Variants in EPB41L3 observed in about 807,000 individuals in gnomAD.
EPB41L3 encodes band 4.1-like protein 3.
Under a neutral mutation model 127.1 loss-of-function variants are expected in EPB41L3, and 57 were observed. The observed-to-expected ratio is 0.45, with a 90% CI of 0.36 to 0.56. The LOEUF (loss-of-function observed/expected upper bound fraction) is 0.56, where lower values mean the gene tolerates loss of function less well. Among genes scored for constraint, EPB41L3 ranks in the 20% least tolerant of loss-of-function variants. The pLI is 0.00. For synonymous variants in EPB41L3, 572 were observed against 549.5 expected, an observed-to-expected ratio of 1.04 and a Z score of -0.57; for missense variants, 1,273 against 1,372.2, an observed-to-expected ratio of 0.93 and a Z score of 1.14.
intron 3 of EPB41L3, among the ~76,000 whole-genome samples, chr18:5,459,531 T>C (rs894315834): frequency 5.9e-5 from 9 of 152,170 alleles, no homozygotes; most frequent in Non-Finnish European, 1.2e-4. Flanking sequence ...TTTAGATCTT[T>C]TTGAGGATAA....
At chr18:5,625,818 T>G (rs1047747828) in intron 1 of EPB41L3, among the ~76,000 whole-genome samples, 2 of 152,214 alleles carry the variant, frequency 1.3e-5, no homozygotes, top group African/African-American at 4.8e-5. Context: ...AGAGATCTTA[T>G]ACAATGAGCT....
chr18:5,462,550 A>G (rs1457020726), intron 3 of EPB41L3, among the ~76,000 whole-genome samples: 3 of 152,218 alleles, frequency 2.0e-5, no homozygotes, highest in East Asian at 3.9e-4. Context: ...CACTACTGCA[A>G]TTTCCCCAAA....
At chr18:5,485,943 A>G (rs1274170894) in intron 2 of EPB41L3, among the ~76,000 whole-genome samples, 3 of 149,958 alleles carry the variant, frequency 2.0e-5, no homozygotes, top group Non-Finnish European at 2.9e-5. Context: ...ATGTAAATTG[A>G]ATGTAACAAA....
At chr18:5,573,666 T>C (rs2094306822) in intron 3 of EPB41L3, among the ~76,000 whole-genome samples, 2 of 152,174 alleles carry the variant, frequency 1.3e-5, no homozygotes, top group South Asian at 2.1e-4. Context: ...GCAGACACCA[T>C]TTCCTATGTT....
At chr18:5,526,917 C>G (rs2093241239) in intron 1 of EPB41L3, among the ~76,000 whole-genome samples, 1 of 151,760 alleles carries the variant, frequency 6.6e-6, no homozygotes, top group Non-Finnish European at 1.5e-5. Context: ...AAACCAACTG[C>G]ACTTTGATTT....
intron 1 of EPB41L3, among the ~76,000 whole-genome samples, chr18:5,493,393 C>T (rs2090819289): frequency 6.6e-6 from 1 of 152,264 alleles, no homozygotes; most frequent in East Asian, 1.9e-4. Context: ...AACTTTTTAA[C>T]ATCAACCTTT....
chr18:5,624,455 T>C (rs1296209717), intron 1 of EPB41L3, among the ~76,000 whole-genome samples: 2 of 152,226 alleles, frequency 1.3e-5, no homozygotes, highest in African/African-American at 4.8e-5. Context: ...ATCACTATAA[T>C]GAAGAATGCC....
intron 3 of EPB41L3, among the ~76,000 whole-genome samples, chr18:5,602,721 C>T (rs1340834969): frequency 1.3e-5 from 2 of 152,200 alleles, no homozygotes; most frequent in East Asian, 3.9e-4. Context: ...GCTGGGATTA[C>T]AGGCATGAAC....
intron 3 of EPB41L3, among the ~76,000 whole-genome samples, chr18:5,581,317 T>C (rs1261779057): frequency 6.6e-6 from 1 of 152,210 alleles, no homozygotes; most frequent in East Asian, 1.9e-4. Context: ...CATTTTACTT[T>C]TGGGAGTTTA....
At chr18:5,435,365 G>A (rs1386630059) in intron 6 of EPB41L3, among the ~76,000 whole-genome samples, 7 of 152,170 alleles carry the variant, frequency 4.6e-5, no homozygotes, top group African/African-American at 1.7e-4. Context: ...CTCATTCAGA[G>A]CAACTTCCCG....
chr18:5,560,940 ATTATTTATTTATTTATTTATTTATTTAT>A (rs138212314), intron 3 of EPB41L3, among the ~76,000 whole-genome samples: 25 of 129,228 alleles, frequency 1.9e-4, no homozygotes, highest in African/African-American at 4.0e-4. Flanking sequence ...CATAGTTGTA[ATTATTTATTTATTTATTTATTTATTTAT>A]TTATTTATTT....
intron 3 of EPB41L3, among the ~76,000 whole-genome samples, chr18:5,604,943 T>A (rs988428838): frequency 3.9e-5 from 6 of 152,298 alleles, no homozygotes; most frequent in African/African-American, 1.2e-4. Flanking sequence ...GGATTTATAA[T>A]CCTCTAGCTG....
intron 2 of EPB41L3, among the ~76,000 whole-genome samples, chr18:5,485,026 A>G (rs541846940): frequency 6.6e-6 from 1 of 152,154 alleles, no homozygotes; most frequent in Admixed American, 6.5e-5. Context: ...GCAGACAAAG[A>G]TACAACACAA....
intron 1 of EPB41L3, among the ~76,000 whole-genome samples, chr18:5,490,271 A>G (rs2090428698): frequency 6.6e-6 from 1 of 152,202 alleles, no homozygotes; most frequent in Non-Finnish European, 1.5e-5. Flanking sequence ...TTGTCATACA[A>G]TTTCCCTTCC....
At chr18:5,486,629 A>G (rs915747069) in intron 2 of EPB41L3, among the ~76,000 whole-genome samples, 5 of 152,188 alleles carry the variant, frequency 3.3e-5, no homozygotes, top group African/African-American at 1.2e-4. Flanking sequence ...CAAACAACTC[A>G]ATAGCAAGAG....
chr18:5,438,198 T>A, intron 5 of EPB41L3, 88 bp from the exon 6 acceptor site: 1 of 1,212,240 alleles, frequency 8.2e-7, no homozygotes, highest in Non-Finnish European at 1.2e-6. Flanking sequence ...CTCCAAGCAT[T>A]AACACCCAGG....
chr18:5,541,510 A>G (rs1054444130), intron 1 of EPB41L3, among the ~76,000 whole-genome samples: 1 of 152,192 alleles, frequency 6.6e-6, no homozygotes, highest in African/African-American at 2.4e-5. Flanking sequence ...GAAAAGATTC[A>G]CAAGATAACA....
intron 1 of EPB41L3, among the ~76,000 whole-genome samples, chr18:5,625,441 C>A (rs377745164): frequency 6.6e-6 from 1 of 152,054 alleles, no homozygotes; most frequent in African/African-American, 2.4e-5. Flanking sequence ...AAAATGAAGA[C>A]CAGGTCTCCC....
intron 3 of EPB41L3, among the ~76,000 whole-genome samples, chr18:5,455,516 T>C (rs753658032): frequency 6.6e-6 from 1 of 152,076 alleles, no homozygotes; most frequent in Non-Finnish European, 1.5e-5. Context: ...TGCAGTAGAG[T>C]TGACCTATGT....
Sources: allele counts gnomAD v4.1 joint callset (sites outside exome capture counted in the v4.1 genomes callset), GRCh38; gene constraint gnomAD v4.1.1; transcripts MANE v1.5; gene names NCBI Gene and HGNC (gene_info 2026-07-23, HGNC 2026-07-21).